The following TMEM140 variants were observed in gnomAD, a reference collection of about 807,000 sequenced individuals.
TMEM140 encodes transmembrane protein 140.
For missense variants in TMEM140, 236 were observed against 228.5 expected (o/e 1.03, Z -0.21); for synonymous variants, 107 against 106.8 (o/e 1.00, Z -0.01).
intron 1 of TMEM140, among the ~76,000 whole-genome samples, chr7:135,150,393 T>C (rs945048602): frequency 1.3e-5 from 2 of 152,208 alleles, no homozygotes; most frequent in East Asian, 3.8e-4. Context: ...AAAAAATACA[T>C]TTGGTGTTTG....
intron 1 of TMEM140, among the ~76,000 whole-genome samples, chr7:135,154,173 G>A (rs1480704010): frequency 1.3e-5 from 2 of 152,048 alleles, no homozygotes; most frequent in Non-Finnish European, 2.9e-5. Context: ...GGTATCAGTT[G>A]TAATGTCTTT....
At chr7:135,155,399 CTT>C (rs1391379726) in intron 1 of TMEM140, among the ~76,000 whole-genome samples, 7 of 152,200 alleles carry the variant, frequency 4.6e-5, no homozygotes, top group South Asian at 2.1e-4. Flanking sequence ...TTTATAGACT[CTT>C]TGTCTTTGCC....
chr7:135,156,348 T>G (rs1829791692), intron 1 of TMEM140, among the ~76,000 whole-genome samples: 1 of 152,166 alleles, frequency 6.6e-6, no homozygotes, highest in Non-Finnish European at 1.5e-5. Flanking sequence ...AATTCATAAG[T>G]TCAGTTGCTT....
chr7:135,163,317 A>G (rs1238731107), intron 1 of TMEM140, among the ~76,000 whole-genome samples: 1 of 152,240 alleles, frequency 6.6e-6, no homozygotes, highest in Non-Finnish European at 1.5e-5. Context: ...GTATGATGGG[A>G]TAAAAGGTTA....
rs141612879 is a variant in TMEM140 at position 135,163,907 on chromosome 7, T to C, written c.-24-511T>C. On this transcript the variant is annotated intron_variant, in intron 1 of 1. Coordinates refer to ENST00000275767, the MANE Select transcript of TMEM140 (RefSeq NM_018295.5). The stretch of plus-strand genomic sequence containing the variant: ...ACACCAGTGCCCAGCCCGAAGCACA[T>C]AAGTTGAGCTCTGATTGATCTGTGG... Among the ~76,000 whole-genome samples the C allele has an allele frequency of 1.3e-3, 205 of 152,266 alleles. 1 individual carries two copies. Among genetic ancestry groups the C allele is most frequent in the African/African-American group, 4.7e-3 (195 of 41,552 alleles).
chr7:135,164,777 G>A lies in TMEM140; in HGVS notation c.336G>A (p.Ala112=), dbSNP rs754564466. The change falls in exon 2 of 2, where the codon GCG becomes GCA. Residue 112 remains alanine, a synonymous_variant. Coordinates refer to ENST00000275767, the MANE Select transcript of TMEM140 (RefSeq NM_018295.5). Reference sequence around the variant, plus strand: ...CCCAGTGCAACAGTGATGAGAGAGCGTGGCGGCTGGCAGTGGGCTTCCTGG... The same window carrying A: ...CCCAGTGCAACAGTGATGAGAGAGCATGGCGGCTGGCAGTGGGCTTCCTGG... ...LLAQCNSDER[A]WRLAVGFLAV... is the part of the protein sequence containing the mutation. 2.1e-5 allele frequency: 34 copies of A among 1,614,064 alleles called. No homozygotes were observed. The highest frequency in any genetic ancestry group is 6.7e-5 in the Admixed American group (4 of 60,012).
chr7:135,149,779 G>A (rs1226159212), intron 1 of TMEM140, among the ~76,000 whole-genome samples: 2 of 152,050 alleles, frequency 1.3e-5, no homozygotes, highest in South Asian at 2.1e-4. Flanking sequence ...TTTTTTTCAT[G>A]TTAGTTAACT....
At position 135,165,156 on chromosome 7, in the gene TMEM140, G is replaced by A. The variant is rs560752107; in HGVS notation, c.*157G>A. On this transcript the variant is annotated 3_prime_UTR_variant, in exon 2 of 2. Coordinates refer to ENST00000275767, the MANE Select transcript of TMEM140 (RefSeq NM_018295.5). Reference sequence around the variant, plus strand: ...CCTGTGTCAAAGAGGCCGAGGGGCAGCAAGGGCAGCCAGGGCACCTGTGAC... The same window carrying A: ...CCTGTGTCAAAGAGGCCGAGGGGCAACAAGGGCAGCCAGGGCACCTGTGAC... The A allele has an allele frequency of 7.2e-5, 57 of 792,828 alleles. No individual in the cohort carries two copies. The African/African-American group carries it at 9.1e-4, about 13-fold the overall frequency. 49.1% of individuals were successfully genotyped at this position (792,828 alleles called of 1,614,324 possible).
In TMEM140 at chr7:135,161,608, T is replaced by A. The variant is rs1294029927; in HGVS notation, c.-24-2810T>A. On this transcript the variant is annotated intron_variant, in intron 1 of 1. Coordinates refer to ENST00000275767, the MANE Select transcript of TMEM140 (RefSeq NM_018295.5). The surrounding 1 kb of genome is among the most constrained non-coding windows in gnomAD (Gnocchi z 4.1). ...ATACAAAATATGTTCCCGTCGGCAA[T>A]TTTTCCCATACCATGGACTCAAATG... Among the ~76,000 whole-genome samples, 1 of 152,210 alleles carries A rather than the reference T, an allele frequency of 6.6e-6. No individual in the cohort carries two copies. Among genetic ancestry groups the A allele is most frequent in the Non-Finnish European group, 1.5e-5 (1 of 68,034 alleles).
At position 135,164,974 on chromosome 7, in the gene TMEM140, C is replaced by CTGAGAGCAAGCT; in HGVS notation, c.541_552dup (p.Lys181_Ser184dup). The stretch of plus-strand genomic sequence containing the variant: ...GTGTTCCCTCTGAGGGCTGAGAGGG[C>CTGAGAGCAAGCT]TGAGAGCAAGCTTGAGAGCTGCTAA... On this transcript the variant is annotated inframe_insertion, in exon 2 of 2. Coordinates refer to ENST00000275767, the MANE Select transcript of TMEM140 (RefSeq NM_018295.5). The CTGAGAGCAAGCT allele has an allele frequency of 6.2e-7, 1 of 1,602,396 alleles. No homozygotes were observed. Among genetic ancestry groups the CTGAGAGCAAGCT allele is most frequent in the Non-Finnish European group, 8.5e-7 (1 of 1,172,206 alleles).
rs140642101 is a variant in TMEM140 at position 135,151,588 on chromosome 7, G to A, written c.-25+3318G>A. Among the ~76,000 whole-genome samples, 349 of 152,154 alleles carry A rather than the reference G, an allele frequency of 2.3e-3. No homozygotes were observed. Among genetic ancestry groups the A allele is most frequent in the Non-Finnish European group, 4.2e-3 (288 of 68,000 alleles). ...TCTACCTGACTCTCCGTCAATTCCC[G>A]TTTCTCCCACTGAGCTATTGCTTCA... On this transcript the variant is annotated intron_variant, in intron 1 of 1. Transcript: ENST00000275767. This position sits in a 1 kb window ranked among gnomAD's most constrained non-coding sequence, Gnocchi z 4.3.
At chr7:135,162,281 G>A (rs565345971) in intron 1 of TMEM140, among the ~76,000 whole-genome samples, 16 of 152,286 alleles carry the variant, frequency 1.1e-4, no homozygotes, top group South Asian at 6.2e-4. Context: ...CCAGGGCCAC[G>A]ACTCATTTTG....
chr7:135,164,401 C>G lies in TMEM140; in HGVS notation c.-24-17C>G, dbSNP rs1199916404. 6.4e-7 allele frequency: 1 copy of G among 1,560,718 alleles called. No homozygotes were observed. The highest frequency in any genetic ancestry group is 1.7e-5 in the Admixed American group (1 of 58,612). The stretch of plus-strand genomic sequence containing the variant: ...AAGCAAGGGAGAGATGGACTGACTG[C>G]TGTGACTTCCCCGCAGGTCCCCCGG... On this transcript the variant is annotated splice_polypyrimidine_tract_variant and intron_variant, in intron 1 of 1. Coordinates refer to ENST00000275767, the MANE Select transcript of TMEM140 (RefSeq NM_018295.5).
intron 1 of TMEM140, among the ~76,000 whole-genome samples, chr7:135,159,716 G>A (rs1301445683): frequency 6.6e-6 from 1 of 152,148 alleles, no homozygotes; most frequent in Non-Finnish European, 1.5e-5. Flanking sequence ...AACAAAAACT[G>A]AAACTCAAAA....
At chr7:135,153,456 C>CAAAAAA (rs55776467) in intron 1 of TMEM140, among the ~76,000 whole-genome samples, 101 of 80,746 alleles carry the variant, frequency 1.3e-3, no homozygotes, top group Admixed American at 1.4e-3. Flanking sequence ...TCCATCTCCA[C>CAAAAAA]AAAAAAAAAA....
Position 135,161,993 on chromosome 7 carries a change from T to A in TMEM140, c.-24-2425T>A, listed in dbSNP as rs1829952669. Among the ~76,000 whole-genome samples, 1 of 152,218 alleles carries A rather than the reference T, an allele frequency of 6.6e-6. No homozygotes were observed. The highest frequency in any genetic ancestry group is 2.1e-4 in the South Asian group (1 of 4,836). ...TTACTGTATTCACAGGCCCCAGCTCTCCATCAGCCAGCCTGCCCAGGTCTC... is the reference window on the plus strand; with the variant it reads ...TTACTGTATTCACAGGCCCCAGCTCACCATCAGCCAGCCTGCCCAGGTCTC... On this transcript the variant is annotated intron_variant, in intron 1 of 1. Transcript: ENST00000275767. This position sits in a 1 kb window ranked among gnomAD's most constrained non-coding sequence, Gnocchi z 4.1.
chr7:135,150,133 A>G (rs1346652000), intron 1 of TMEM140, among the ~76,000 whole-genome samples: 2 of 152,098 alleles, frequency 1.3e-5, no homozygotes, highest in Non-Finnish European at 2.9e-5. Context: ...GATCCATGTG[A>G]AATTTATTTG....
intron 1 of TMEM140, among the ~76,000 whole-genome samples, chr7:135,155,808 A>C (rs149696693): frequency 6.6e-6 from 1 of 152,346 alleles, no homozygotes; most frequent in Admixed American, 6.5e-5. Flanking sequence ...CTGTGATTGC[A>C]CTACTGTATT....
At chr7:135,153,929 G>C (rs536304932) in intron 1 of TMEM140, among the ~76,000 whole-genome samples, 1 of 152,204 alleles carries the variant, frequency 6.6e-6, no homozygotes, top group African/African-American at 2.4e-5. Context: ...GTTTTTCTTT[G>C]TATGTTTGGT....
Sources: allele counts gnomAD v4.1 joint callset (sites outside exome capture counted in the v4.1 genomes callset), GRCh38; gene constraint gnomAD v4.1.1; non-coding constraint Gnocchi (gnomAD v3.1); transcripts MANE v1.5; gene names NCBI Gene and HGNC (gene_info 2026-07-23, HGNC 2026-07-21).